The following TMEM150C variants were observed in gnomAD, a reference collection of about 807,000 sequenced individuals.
The protein encoded by TMEM150C is transmembrane protein 150C, also known as tentonin 3.
A neutral mutation model predicts 29.9 loss-of-function variants in TMEM150C; 10 were observed. The observed-to-expected ratio is 0.33, with a 90% confidence interval of 0.21 to 0.57. The LOEUF is 0.57. Among genes scored for constraint, TMEM150C ranks in the 20% least tolerant of loss-of-function variants. The pLI, the probability that TMEM150C is intolerant of heterozygous loss-of-function variation, is 0.88. For missense variants in TMEM150C, 251 were observed against 303.6 expected (o/e 0.83, Z 1.29); for synonymous variants, 101 against 112.5 (o/e 0.90, Z 0.64).
Position 82,561,933 on chromosome 4 carries a change from G to T in TMEM150C, c.-38C>A. On this transcript the variant is annotated 5_prime_UTR_variant, in exon 1 of 8. Coordinates refer to ENST00000449862, the MANE Select transcript of TMEM150C (RefSeq NM_001080506.3). ...GCTCTGGTGCGGCGGGGCCGCTGTCGCCTCGAGGGGCTGTGACCTGCTGCG... is the reference window on the plus strand; with the variant it reads ...GCTCTGGTGCGGCGGGGCCGCTGTCTCCTCGAGGGGCTGTGACCTGCTGCG... 1 of 1,035,802 alleles carries T rather than the reference G, an allele frequency of 9.7e-7. No homozygotes were observed. The highest frequency in any genetic ancestry group is 1.2e-6 in the Non-Finnish European group (1 of 859,776). 64.2% of individuals were successfully genotyped at this position (1,035,802 alleles called of 1,614,324 possible). A position where few individuals can be genotyped will look rare whatever the true frequency, so the allele number is the denominator to read the frequency against.
intron 1 of TMEM150C, among the ~76,000 whole-genome samples, chr4:82,544,353 A>AT: frequency 6.6e-6 from 1 of 152,342 alleles, no homozygotes; most frequent in South Asian, 2.1e-4. Flanking sequence ...GAGAAGTTTG[A>AT]TAACAGGGAA....
intron 6 of TMEM150C, among the ~76,000 whole-genome samples, chr4:82,493,124 T>C (rs1167844006): frequency 6.6e-6 from 1 of 151,528 alleles, no homozygotes; most frequent in African/African-American, 2.4e-5. Context: ...CCTTCAGATG[T>C]TTTGTTGTTT....
chr4:82,544,827 A>G (rs1007354625), intron 1 of TMEM150C, among the ~76,000 whole-genome samples: 1 of 151,794 alleles, frequency 6.6e-6, no homozygotes, highest in African/African-American at 2.4e-5. Context: ...AGATTGAATC[A>G]GAAAATGAAA....
intron 1 of TMEM150C, among the ~76,000 whole-genome samples, chr4:82,514,159 G>A (rs951167163): frequency 6.6e-6 from 1 of 152,192 alleles, no homozygotes; most frequent in African/African-American, 2.4e-5. Flanking sequence ...CATGAGCAAG[G>A]GCTCTCCTGA....
intron 7 of TMEM150C, among the ~76,000 whole-genome samples, chr4:82,487,012 CAG>C (rs1578116870): frequency 1.3e-5 from 2 of 152,040 alleles, no homozygotes; most frequent in African/African-American, 4.8e-5. Flanking sequence ...GGGAAATTTT[CAG>C]AGAGCAAGAA....
chr4:82,559,070 AC>A (rs1725833005), intron 1 of TMEM150C, among the ~76,000 whole-genome samples: 1 of 151,776 alleles, frequency 6.6e-6, no homozygotes, highest in Non-Finnish European at 1.5e-5. Context: ...TGTGAGATCC[AC>A]CCCCTGCCTG....
intron 7 of TMEM150C, among the ~76,000 whole-genome samples, chr4:82,487,488 C>T (rs933237872): frequency 2.0e-5 from 3 of 152,204 alleles, no homozygotes; most frequent in Non-Finnish European, 4.4e-5. Context: ...AAAGTCTGCA[C>T]ACTCTTTTGA....
intron 1 of TMEM150C, among the ~76,000 whole-genome samples, chr4:82,555,660 G>T (rs1362174269): frequency 6.6e-6 from 1 of 152,128 alleles, no homozygotes; most frequent in Non-Finnish European, 1.5e-5. Flanking sequence ...TCTATGTATC[G>T]CTATCACATT....
intron 1 of TMEM150C, among the ~76,000 whole-genome samples, chr4:82,548,129 A>T (rs1463923074): frequency 6.6e-6 from 1 of 152,244 alleles, no homozygotes; most frequent in Non-Finnish European, 1.5e-5. Flanking sequence ...GTACGTTCTC[A>T]TAAGTGGGAG....
At chr4:82,501,079 G>T (rs1723722489) in intron 5 of TMEM150C, among the ~76,000 whole-genome samples, 1 of 152,238 alleles carries the variant, frequency 6.6e-6, no homozygotes, top group African/African-American at 2.4e-5. Context: ...GTTCACTCTT[G>T]GGGCTTTGTG....
chr4:82,527,565 T>C (rs1206238844), intron 1 of TMEM150C, among the ~76,000 whole-genome samples: 1 of 152,104 alleles, frequency 6.6e-6, no homozygotes, highest in East Asian at 1.9e-4. Context: ...TCCAGAGTCC[T>C]TGTGGGTCCG....
intron 1 of TMEM150C, among the ~76,000 whole-genome samples, chr4:82,524,140 T>C (rs1469426856): frequency 6.1e-5 from 9 of 147,276 alleles, no homozygotes; most frequent in South Asian, 2.2e-4. Flanking sequence ...TGGTGGTGGG[T>C]GCCTGTGGTC....
At chr4:82,486,005 A>G (rs1182314171) in intron 7 of TMEM150C, among the ~76,000 whole-genome samples, 1 of 152,086 alleles carries the variant, frequency 6.6e-6, no homozygotes, top group Non-Finnish European at 1.5e-5. Context: ...TACATGTTCT[A>G]TTTGCCCTTA....
intron 1 of TMEM150C, among the ~76,000 whole-genome samples, chr4:82,524,965 C>T (rs1724606561): frequency 6.6e-6 from 1 of 152,120 alleles, no homozygotes; most frequent in African/African-American, 2.4e-5. Context: ...AGGATTTTTA[C>T]CGATGAGGAG....
rs1196428664 is a variant in TMEM150C at position 82,484,983 on chromosome 4, GTTC to G, written c.*525_*527del. The G allele has an allele frequency of 6.5e-6, 1 of 153,176 alleles. No individual in the cohort carries two copies. The highest frequency in any genetic ancestry group is 2.4e-5 in the African/African-American group (1 of 41,458). 9.5% of individuals were successfully genotyped at this position (153,176 alleles called of 1,614,324 possible). Reference sequence around the variant, plus strand: ...CGATGAAGGGGGCTTTCGTGGGAAAGTTCTTCTCACTATGCCTTTCCACAGGCG... The same window carrying G: ...CGATGAAGGGGGCTTTCGTGGGAAAGTTCTCACTATGCCTTTCCACAGGCG... On this transcript the variant is annotated 3_prime_UTR_variant, in exon 8 of 8. Transcript: ENST00000449862.
chr4:82,504,895 T>G (rs1192263108), intron 1 of TMEM150C, among the ~76,000 whole-genome samples: 1 of 152,108 alleles, frequency 6.6e-6, no homozygotes, highest in African/African-American at 2.4e-5. Context: ...CCGGGCGTGG[T>G]GGCGGGCGCC....
chr4:82,515,852 C>T (rs1005051836), intron 1 of TMEM150C, among the ~76,000 whole-genome samples: 3 of 152,050 alleles, frequency 2.0e-5, no homozygotes, highest in Admixed American at 6.5e-5. Context: ...TGTACGGCAG[C>T]CTGACCACAA....
intron 1 of TMEM150C, among the ~76,000 whole-genome samples, chr4:82,537,246 A>G (rs928523295): frequency 6.6e-6 from 1 of 152,074 alleles, no homozygotes; most frequent in Non-Finnish European, 1.5e-5. Context: ...CGGCCTCCCA[A>G]AGTGCTGGGA....
At chr4:82,488,391 C>T (rs1578117705) in intron 7 of TMEM150C, among the ~76,000 whole-genome samples, 1 of 152,168 alleles carries the variant, frequency 6.6e-6, no homozygotes, top group Non-Finnish European at 1.5e-5. Flanking sequence ...TAAACTTCTC[C>T]ATGATTCACT....
Sources: allele counts gnomAD v4.1 joint callset (sites outside exome capture counted in the v4.1 genomes callset), GRCh38; gene constraint gnomAD v4.1.1; transcripts MANE v1.5; gene names NCBI Gene and HGNC (gene_info 2026-07-23, HGNC 2026-07-21).